The following PDZRN3 variants were observed in gnomAD, a reference collection of about 807,000 sequenced individuals.
The protein encoded by PDZRN3 is E3 ubiquitin-protein ligase PDZRN3.
In PDZRN3, 38 loss-of-function variants were observed where a neutral mutation model predicts 85.7. The observed-to-expected ratio is 0.44, with a 90% confidence interval of 0.34 to 0.58. The LOEUF (loss-of-function observed/expected upper bound fraction) is 0.58. PDZRN3 is among the 20% of genes least tolerant of loss of function. The pLI, the probability that PDZRN3 is intolerant of heterozygous loss-of-function variation, is 0.01. For synonymous variants in PDZRN3, 759 were observed against 638.0 expected, an observed-to-expected ratio of 1.19 and a Z score of -2.86; for missense variants, 1,629 against 1,506.4, an observed-to-expected ratio of 1.08 and a Z score of -1.35.
chr3:73,407,563 A>G (rs1048577261), intron 3 of PDZRN3, among the ~76,000 whole-genome samples: 8 of 152,208 alleles, frequency 5.3e-5, no homozygotes, highest in Non-Finnish European at 1.0e-4. Flanking sequence ...ATGTTTTCTC[A>G]TTCATTCCTA....
At chr3:73,552,926 T>C (rs1004739748) in intron 3 of PDZRN3, among the ~76,000 whole-genome samples, 6 of 152,180 alleles carry the variant, frequency 3.9e-5, no homozygotes, top group African/African-American at 1.2e-4. Context: ...TCACTAAGGA[T>C]CACACAATAA....
intron 3 of PDZRN3, among the ~76,000 whole-genome samples, chr3:73,479,382 C>T (rs1344811745): frequency 9.3e-6 from 1 of 106,960 alleles, no homozygotes; most frequent in Non-Finnish European, 2.0e-5. Flanking sequence ...CATACACCTT[C>T]TCAAAGTAAA....
intron 4 of PDZRN3, chr3:73,401,887 A>G (rs1031623981): frequency 8.5e-5 from 13 of 152,364 alleles, no homozygotes; most frequent in South Asian, 4.1e-4. Context: ...ACAGCAATCA[A>G]TGGGCTCTAG....
chr3:73,474,103 C>G (rs1703401634), intron 3 of PDZRN3, among the ~76,000 whole-genome samples: 1 of 152,194 alleles, frequency 6.6e-6, no homozygotes, highest in Non-Finnish European at 1.5e-5. Context: ...CTCCCTGATG[C>G]TTCTAAACCA....
At chr3:73,414,956 C>A (rs1461722345) in intron 3 of PDZRN3, among the ~76,000 whole-genome samples, 1 of 152,180 alleles carries the variant, frequency 6.6e-6, no homozygotes, top group Non-Finnish European at 1.5e-5. Flanking sequence ...CTTAACACTT[C>A]CGCGTTATTT....
At position 73,511,153 on chromosome 3, in the gene PDZRN3, C is replaced by T. The variant is rs535662828; in HGVS notation, c.918+91201G>A. 3.3e-5 allele frequency among the ~76,000 whole-genome samples: 5 copies of T among 152,280 alleles called. No individual in the cohort carries two copies. In the South Asian group the frequency reaches 1.0e-3, roughly 32 times the overall value. On this transcript the variant is annotated intron_variant, in intron 3 of 9. Coordinates refer to ENST00000263666, the MANE Select transcript of PDZRN3 (RefSeq NM_015009.3). ...AAATATGGTGACTTCATTTCTCTTT[C>T]ATGCTTTTCTCTATTTTTCACCCCT...
chr3:73,540,204 T>C (rs1283684004), intron 3 of PDZRN3, among the ~76,000 whole-genome samples: 1 of 152,030 alleles, frequency 6.6e-6, no homozygotes, highest in Non-Finnish European at 1.5e-5. Context: ...AGTCAGTATT[T>C]CTCACTTAGC....
At chr3:73,444,356 C>T (rs1202222928) in intron 3 of PDZRN3, among the ~76,000 whole-genome samples, 1 of 152,208 alleles carries the variant, frequency 6.6e-6, no homozygotes, top group Non-Finnish European at 1.5e-5. Flanking sequence ...GCATGTCCAT[C>T]TGTCCTCCTA....
At chr3:73,520,951 G>A (rs897495151) in intron 3 of PDZRN3, among the ~76,000 whole-genome samples, 7 of 152,276 alleles carry the variant, frequency 4.6e-5, no homozygotes, top group East Asian at 1.9e-4. Flanking sequence ...CCAGAGCCCC[G>A]GAGAACCTCT....
chr3:73,589,702 TCTC>T (rs1702326542), intron 3 of PDZRN3, among the ~76,000 whole-genome samples: 1 of 152,216 alleles, frequency 6.6e-6, no homozygotes, highest in African/African-American at 2.4e-5. Flanking sequence ...CCCAAAGGAT[TCTC>T]CTTTCATTTC....
chr3:73,524,157 C>T (rs1199523119), intron 3 of PDZRN3, among the ~76,000 whole-genome samples: 1 of 151,974 alleles, frequency 6.6e-6, no homozygotes, highest in Admixed American at 6.6e-5. Flanking sequence ...TAGAATCCTG[C>T]AAAAAAGAAG....
chr3:73,475,846 T>C (rs1204462446), intron 3 of PDZRN3, among the ~76,000 whole-genome samples: 2 of 152,218 alleles, frequency 1.3e-5, no homozygotes, highest in East Asian at 3.8e-4. Flanking sequence ...ATGCAAGCGT[T>C]TGATACCATC....
At chr3:73,571,966 A>C (rs1397394365) in intron 3 of PDZRN3, among the ~76,000 whole-genome samples, 1 of 152,254 alleles carries the variant, frequency 6.6e-6, no homozygotes, top group East Asian at 1.9e-4. Flanking sequence ...GCAATTTTGT[A>C]CTTAACTTGA....
chr3:73,474,613 G>T (rs1703413157), intron 3 of PDZRN3: 2 of 1,256,496 alleles, frequency 1.6e-6, no homozygotes, highest in South Asian at 2.7e-5. Flanking sequence ...GGTTTATGTT[G>T]AGAGTACTGA....
chr3:73,601,788 G>A (rs992061955), intron 3 of PDZRN3, among the ~76,000 whole-genome samples: 6 of 152,116 alleles, frequency 3.9e-5, no homozygotes, highest in Non-Finnish European at 5.9e-5. Flanking sequence ...GATGAATGAC[G>A]AACTGAAAAT....
At position 73,624,887 on chromosome 3, in the gene PDZRN3, G is replaced by A; in HGVS notation, c.-62C>T. ...CGGGCGCCCCCTCCCTCCCCACGAG[G>A]CGGCCCAGACAGGCCGGCTACGCCG... On this transcript the variant is annotated 5_prime_UTR_variant, in exon 1 of 10. Transcript: ENST00000263666. The A allele has an allele frequency of 1.6e-6, 2 of 1,248,920 alleles. No individual in the cohort carries two copies. Among genetic ancestry groups the A allele is most frequent in the Non-Finnish European group, 2.0e-6 (2 of 993,752 alleles). 77.4% of individuals were successfully genotyped at this position (1,248,920 alleles called of 1,614,324 possible).
At chr3:73,587,760 C>A (rs1227946147) in intron 3 of PDZRN3, among the ~76,000 whole-genome samples, 1 of 152,064 alleles carries the variant, frequency 6.6e-6, no homozygotes, top group East Asian at 1.9e-4. Context: ...AGTCAGGGAG[C>A]ACTTCACTTT....
Position 73,384,601 on chromosome 3 carries a change from C to T in PDZRN3, c.1965G>A (p.Gln655=). Residue 655 remains glutamine, a synonymous_variant, in exon 10 of 10, where the codon CAG becomes CAA. Coordinates refer to ENST00000263666, the MANE Select transcript of PDZRN3 (RefSeq NM_015009.3). The part of the protein sequence containing the change: ...RFRELLELKC[Q]VKSATPYGLY... ...GGCCGTAAGGGGTGGCGCTCTTCAC[C>T]TGGCACTTGAGCTCCAGGAGCTCGC... is the stretch of plus-strand genomic sequence containing the variant. The T allele has an allele frequency of 6.2e-7, 1 of 1,613,858 alleles. No homozygotes were observed. Among genetic ancestry groups the T allele is most frequent in the Non-Finnish European group, 8.5e-7 (1 of 1,180,042 alleles).
At position 73,388,083 on chromosome 3, in the gene PDZRN3, A is replaced by AG. The variant is rs1553682711; in HGVS notation, c.1417-15dup. 161 of 908,092 alleles carry AG rather than the reference A, an allele frequency of 1.8e-4. No homozygotes were observed. Among genetic ancestry groups the AG allele is most frequent in the East Asian group, 1.2e-3 (43 of 36,362 alleles). 56.3% of individuals were successfully genotyped at this position (908,092 alleles called of 1,614,324 possible). A position where few individuals can be genotyped will look rare whatever the true frequency, so the allele number is the denominator to read the frequency against. On this transcript the variant is annotated splice_polypyrimidine_tract_variant and intron_variant, in intron 7 of 9. Transcript: ENST00000263666. ...TATCCCATTAATCTTTTAAAAAAAA[A>AG]GGGGGGGTGGGGAGAGTGGGGAGAC... is the stretch of plus-strand genomic sequence containing the variant.
Sources: gnomAD v4.1 joint callset for allele counts (sites outside exome capture counted in the v4.1 genomes callset) on GRCh38, gnomAD v4.1.1 for gene constraint, MANE v1.5 for transcripts, NCBI Gene and HGNC (gene_info 2026-07-23, HGNC 2026-07-21) for gene names.